The following CTRL variants were observed in gnomAD, a reference collection of about 807,000 sequenced individuals.
CTRL encodes chymotrypsin like, also known as chymotrypsin-like protease CTRL-1.
CTRL carries 38 observed loss-of-function variants against 35.5 expected under a neutral mutation model. The observed-to-expected ratio is 1.07, with a 90% CI of 0.83 to 1.40. CTRL has a LOEUF of 1.40. Ranked by LOEUF, CTRL falls within the 40% of genes most tolerant of loss-of-function variation. The probability of loss-of-function intolerance (pLI) is 0.00; values close to 1 mark genes in which losing one functional copy is unlikely to be tolerated. For synonymous variants in CTRL, 155 were observed against 141.1 expected (o/e 1.10, Z -0.70); for missense variants, 327 against 342.9 (o/e 0.95, Z 0.37).
chr16:67,931,203 T>A lies in CTRL; in HGVS notation c.53-2A>T, dbSNP rs956216457. On this transcript the variant is annotated splice_acceptor_variant, in intron 1 of 6. Coordinates refer to ENST00000574481, the MANE Select transcript of CTRL (RefSeq NM_001907.3). LOFTEE classifies it high-confidence loss of function. ...GTTTGATGGCAGGAATGCCGCAGCC[T>A]GGCCATTGGGCTAATGAGGACCTGC... The A allele has an allele frequency of 1.2e-6, 2 of 1,613,818 alleles. No homozygotes were observed. The highest frequency in any genetic ancestry group is 1.7e-6 in the Non-Finnish European group (2 of 1,179,986).
chr16:67,929,983 C>T lies in CTRL; in HGVS notation c.746G>A (p.Arg249Gln), dbSNP rs574631910. The T allele has an allele frequency of 3.9e-5, 63 of 1,614,120 alleles. No individual in the cohort carries two copies. Among genetic ancestry groups the T allele is most frequent in the East Asian group, 4.5e-5 (2 of 44,870 alleles). Reference sequence around the variant, plus strand: ...GATCCAGGTGCTGAACTTGCTAACTCGAGTATACACAGCAGGTGCGCGCAC... The same window carrying T: ...GATCCAGGTGCTGAACTTGCTAACTTGAGTATACACAGCAGGTGCGCGCAC... ...CNVRAPAVYT[R>Q]VSKFSTWINQ... is the part of the protein sequence containing the mutation. The change falls in exon 7 of 7, where the codon CGA becomes CAA. Residue 249 changes from arginine (R) to glutamine (Q), a missense_variant. Transcript: ENST00000574481.
chr16:67,930,611 T>G lies in CTRL; in HGVS notation c.319-23A>C, dbSNP rs2058236445. On this transcript the variant is annotated intron_variant, in intron 4 of 6. Transcript: ENST00000574481. The surrounding 1 kb of genome is among the most constrained non-coding windows in gnomAD (Gnocchi z 4.3). The stretch of plus-strand genomic sequence containing the variant: ...GGCCTGTGGGGTCAGAAACAGTCCA[T>G]GTTCTGATGGGTGCTGAGCAGGGTA... The G allele has an allele frequency of 6.2e-7, 1 of 1,611,106 alleles. No individual in the cohort carries two copies. Among genetic ancestry groups the G allele is most frequent in the Admixed American group, 1.7e-5 (1 of 59,942 alleles).
chr16:67,931,428 C>T (rs557533533), intron 1 of CTRL: 2 of 609,326 alleles, frequency 3.3e-6, no homozygotes, highest in East Asian at 2.8e-5. Context: ...CTGTCTCCAG[C>T]CTAGTCCCCG....
At chr16:67,931,246 A>G in intron 1 of CTRL, 45 bp from the exon 2 acceptor site, 1 of 1,600,950 alleles carries the variant, frequency 6.2e-7, no homozygotes, top group Middle Eastern at 1.7e-4. Flanking sequence ...GCCTCAGCCC[A>G]TCTTTCCCCA....
chr16:67,931,339 A>G (rs1343612923), intron 1 of CTRL, 138 bp from the exon 2 acceptor site: 4 of 771,296 alleles, frequency 5.2e-6, no homozygotes, highest in East Asian at 5.4e-5. Context: ...AACAGGGTAC[A>G]TGCAAGCACC....
In CTRL at chr16:67,930,850, G is replaced by A. The variant is rs182354088; in HGVS notation, c.237-43C>T. Reference sequence around the variant, plus strand: ...TAGGCAGCTGCAGGGAGGCCAGCGCGAGAGGGGGACAGCCAGGGGAGGAGG... The same window carrying A: ...TAGGCAGCTGCAGGGAGGCCAGCGCAAGAGGGGGACAGCCAGGGGAGGAGG... On this transcript the variant is annotated intron_variant, in intron 3 of 6. Transcript: ENST00000574481. This position sits in a 1 kb window ranked among gnomAD's most constrained non-coding sequence, Gnocchi z 4.3. 4,224 of 1,613,098 alleles carry A rather than the reference G, an allele frequency of 2.6e-3. 173 individuals carry two copies. In the Admixed American group the frequency reaches 0.063, roughly 24 times the overall value.
chr16:67,930,121 T>TGA lies in CTRL; in HGVS notation c.634-28_634-27dup. ...CTGAGAGGGAAGAGGGAGGGAGAAT[T>TGA]GAGTAGGGGGGGTTGGGGAGGTATA... On this transcript the variant is annotated intron_variant, in intron 6 of 6. Coordinates refer to ENST00000574481, the MANE Select transcript of CTRL (RefSeq NM_001907.3). The surrounding 1 kb of genome is among the most constrained non-coding windows in gnomAD (Gnocchi z 4.3). 1 of 1,612,746 alleles carries TGA rather than the reference T, an allele frequency of 6.2e-7. No individual in the cohort carries two copies. Among genetic ancestry groups the TGA allele is most frequent in the Non-Finnish European group, 8.5e-7 (1 of 1,179,424 alleles).
chr16:67,931,349 C>T, intron 1 of CTRL, 148 bp from the exon 2 acceptor site: 1 of 702,898 alleles, frequency 1.4e-6, no homozygotes. Context: ...ATGCAAGCAC[C>T]TTCGGGCCCC....
Position 67,930,709 on chromosome 16 carries a change from G to A in CTRL, c.318+17C>T. On this transcript the variant is annotated intron_variant, in intron 4 of 6. Coordinates refer to ENST00000574481, the MANE Select transcript of CTRL (RefSeq NM_001907.3). This position sits in a 1 kb window ranked among gnomAD's most constrained non-coding sequence, Gnocchi z 4.3. ...CACTGCCCACTTTTCCTCCGTGTCTGCAGCCCAGGCACTCACCCGAGAGAC... is the reference window on the plus strand; with the variant it reads ...CACTGCCCACTTTTCCTCCGTGTCTACAGCCCAGGCACTCACCCGAGAGAC... The A allele has an allele frequency of 6.2e-7, 1 of 1,613,230 alleles. No homozygotes were observed. Among genetic ancestry groups the A allele is most frequent in the Non-Finnish European group, 8.5e-7 (1 of 1,179,234 alleles).
At chr16:67,931,225 C>G (rs2058240347) in intron 1 of CTRL, 24 bp from the exon 2 acceptor site, 1 of 1,612,202 alleles carries the variant, frequency 6.2e-7, no homozygotes, top group Non-Finnish European at 8.5e-7. Context: ...TAATGAGGAC[C>G]TGCTTCCCAT....
chr16:67,931,680 G>C (rs2058242184), intron 1 of CTRL, 121 bp downstream of exon 1: 2 of 1,200,044 alleles, frequency 1.7e-6, no homozygotes, highest in African/African-American at 1.5e-5. Flanking sequence ...GGCATATCCT[G>C]TTTCTTTTGC....
At position 67,929,904 on chromosome 16, in the gene CTRL, G is replaced by A; in HGVS notation, c.*30C>T. On this transcript the variant is annotated 3_prime_UTR_variant, in exon 7 of 7. Coordinates refer to ENST00000574481, the MANE Select transcript of CTRL (RefSeq NM_001907.3). The stretch of plus-strand genomic sequence containing the variant: ...ATGGGACAGGGCCTGGGTCTTTAAT[G>A]GGTTGAGCTGGGGAGGGCCTGTGGT... 2 of 1,606,926 alleles carry A rather than the reference G, an allele frequency of 1.2e-6. No homozygotes were observed. Among genetic ancestry groups the A allele is most frequent in the Non-Finnish European group, 1.7e-6 (2 of 1,174,362 alleles).
chr16:67,929,861 G>T lies in CTRL; in HGVS notation c.*73C>A. On this transcript the variant is annotated 3_prime_UTR_variant, in exon 7 of 7. Transcript: ENST00000574481. ...CCTCTTCTTTCTCCTGAGCCAGGAA[G>T]ACAGACATGAATGCATGATGGGACA... 1 of 1,517,408 alleles carries T rather than the reference G, an allele frequency of 6.6e-7. No homozygotes were observed. Among genetic ancestry groups the T allele is most frequent in the Non-Finnish European group, 9.0e-7 (1 of 1,106,584 alleles). 94.0% of individuals were successfully genotyped at this position (1,517,408 alleles called of 1,614,324 possible). A position where few individuals can be genotyped will look rare whatever the true frequency, so the allele number is the denominator to read the frequency against.
chr16:67,931,474 C>G, intron 1 of CTRL: 3 of 595,994 alleles, frequency 5.0e-6, no homozygotes, highest in Non-Finnish European at 9.0e-6. Flanking sequence ...TCTCTGCCCC[C>G]TCCCGACCTG....
At chr16:67,931,665 G>T (rs939174950) in intron 1 of CTRL, 136 bp downstream of exon 1, 1 of 1,043,506 alleles carries the variant, frequency 9.6e-7, no homozygotes, top group Non-Finnish European at 1.4e-6. Context: ...CTGCTCCACT[G>T]CCCTGGCATA....
Position 67,930,128 on chromosome 16 carries a change from G to T in CTRL, c.634-33C>A, listed in dbSNP as rs141530174. On this transcript the variant is annotated intron_variant, in intron 6 of 6. Coordinates refer to ENST00000574481, the MANE Select transcript of CTRL (RefSeq NM_001907.3). This position sits in a 1 kb window ranked among gnomAD's most constrained non-coding sequence, Gnocchi z 4.3. ...GGAAGAGGGAGGGAGAATTGAGTAG[G>T]GGGGGTTGGGGAGGTATACCACAGG... The T allele has an allele frequency of 2.5e-5, 40 of 1,613,628 alleles. No homozygotes were observed. The Admixed American group carries it at 4.5e-4, about 18-fold the overall frequency.
Position 67,930,726 on chromosome 16 carries a change from C to CAGAA in CTRL, c.317_318insTTCT (p.Ala107SerfsTer7). 6.2e-7 allele frequency: 1 copy of CAGAA among 1,613,970 alleles called. No homozygotes were observed. Among genetic ancestry groups the CAGAA allele is most frequent in the Non-Finnish European group, 8.5e-7 (1 of 1,179,898 alleles). ...CCGTGTCTGCAGCCCAGGCACTCACCCGAGAGACGGACAGAACCTGCAAGG... is the reference window on the plus strand; with the variant it reads ...CCGTGTCTGCAGCCCAGGCACTCACCAGAACGAGAGACGGACAGAACCTGCAAGG... On this transcript the variant is annotated frameshift_variant and splice_region_variant, in exon 4 of 7. Transcript: ENST00000574481. LOFTEE classifies it high-confidence loss of function. This position sits in a 1 kb window ranked among gnomAD's most constrained non-coding sequence, Gnocchi z 4.3.
rs1258531525 is a variant in CTRL at position 67,930,450 on chromosome 16, G to A, written c.457C>T (p.Leu153Phe). 1 of 1,614,004 alleles carries A rather than the reference G, an allele frequency of 6.2e-7. No homozygotes were observed. The highest frequency in any genetic ancestry group is 1.3e-5 in the African/African-American group (1 of 74,916). Residue 153 changes from leucine to phenylalanine, a missense_variant, in exon 5 of 7, where the codon CTC becomes TTC. Coordinates refer to ENST00000574481, the MANE Select transcript of CTRL (RefSeq NM_001907.3). The surrounding 1 kb of genome is among the most constrained non-coding windows in gnomAD (Gnocchi z 4.3). ...ASSNEALTEG[L>F]TCVTTGWGRL... The stretch of plus-strand genomic sequence containing the variant: ...CCCCAGCCGGTGGTGACACACGTGA[G>A]GCCTTCAGTCAGAGCCTCGTTTGAG...
Position 67,929,897 on chromosome 16 carries a change from C to A in CTRL, c.*37G>T. The A allele has an allele frequency of 6.2e-7, 1 of 1,603,876 alleles. No homozygotes were observed. The highest frequency in any genetic ancestry group is 1.1e-5 in the South Asian group (1 of 90,744). On this transcript the variant is annotated 3_prime_UTR_variant, in exon 7 of 7. Transcript: ENST00000574481. ...ATGCATGATGGGACAGGGCCTGGGT[C>A]TTTAATGGGTTGAGCTGGGGAGGGC...
Sources: allele counts gnomAD v4.1 joint callset, GRCh38; gene constraint gnomAD v4.1.1; non-coding constraint Gnocchi (gnomAD v3.1); transcripts MANE v1.5; gene names NCBI Gene and HGNC (gene_info 2026-07-23, HGNC 2026-07-21).